The following CABLES1 variants were observed in gnomAD, a reference collection of about 807,000 sequenced individuals.
The protein encoded by CABLES1 is Cdk5 and Abl enzyme substrate 1, also known as CDK5 and ABL1 enzyme substrate 1.
A neutral mutation model predicts 57.8 loss-of-function variants in CABLES1; 36 were observed. That is an observed-to-expected ratio of 0.62 (90% CI 0.48 to 0.82). The LOEUF is 0.82. Among genes scored for constraint, CABLES1 ranks in the 40% least tolerant of loss-of-function variants. The probability of loss-of-function intolerance (pLI) is 0.00; values close to 1 mark genes in which losing one functional copy is unlikely to be tolerated. For synonymous variants in CABLES1, 374 were observed against 363.0 expected (o/e 1.03, Z -0.35); for missense variants, 767 against 836.6 (o/e 0.92, Z 1.03).
In CABLES1 at chr18:23,136,116, C is replaced by T; in HGVS notation, c.354C>T (p.Gly118=). 8.4e-7 allele frequency: 1 copy of T among 1,191,652 alleles called. No homozygotes were observed. The highest frequency in any genetic ancestry group is 1.0e-6 in the Non-Finnish European group (1 of 962,562). The allele number at this position is 1,191,652 out of a possible 1,614,324, so 73.8% of individuals were successfully genotyped here. A position where few individuals can be genotyped will look rare whatever the true frequency, so the allele number is the denominator to read the frequency against. The change falls in exon 1 of 10, where the codon GGC becomes GGT. Residue 118 remains glycine, a synonymous_variant. Coordinates refer to ENST00000256925, the MANE Select transcript of CABLES1 (RefSeq NM_001100619.3). ...TGCTCGCCGCTGCCGAGCGGGGCGG[C>T]TGCATCGCGCTCGCCGCGCCGGGCA... is the stretch of plus-strand genomic sequence containing the variant. The part of the protein sequence containing the change: ...FSLLAAAERG[G]CIALAAPGTP...
chr18:23,181,849 T>C (rs1327873106), intron 1 of CABLES1, among the ~76,000 whole-genome samples: 2 of 152,192 alleles, frequency 1.3e-5, no homozygotes, highest in African/African-American at 4.8e-5. Context: ...TGTGACTGTG[T>C]TAATAAGTTG....
At chr18:23,135,339 T>TCTGCCTCTGCGGCCGCCGC (rs980530576), upstream of CABLES1, 1 of 152,488 alleles carries the variant, frequency 6.6e-6, no homozygotes, top group South Asian at 2.1e-4. Context: ...CCTCCCGCCG[T>TCTGCCTCTGCGGCCGCCGC]CTGCCTCTGC....
At position 23,135,731 on chromosome 18, in the gene CABLES1, G is replaced by C. The variant is rs1168619631; in HGVS notation, c.-32G>C. Reference sequence around the variant, plus strand: ...GCTCGGGCGCCGCTCGCTTCTCCGGGCATCGCGGAAATCCCGCCGCAGACG... The same window carrying C: ...GCTCGGGCGCCGCTCGCTTCTCCGGCCATCGCGGAAATCCCGCCGCAGACG... On this transcript the variant is annotated 5_prime_UTR_variant, in exon 1 of 10. Transcript: ENST00000256925. 2 of 987,158 alleles carry C rather than the reference G, an allele frequency of 2.0e-6. No homozygotes were observed. Among genetic ancestry groups the C allele is most frequent in the African/African-American group, 3.5e-5 (2 of 56,954 alleles). 61.1% of individuals were successfully genotyped at this position (987,158 alleles called of 1,614,324 possible). A position where few individuals can be genotyped will look rare whatever the true frequency, so the allele number is the denominator to read the frequency against.
chr18:23,180,521 C>T lies in CABLES1; in HGVS notation c.846-8317C>T, dbSNP rs1024442587. Among the ~76,000 whole-genome samples, 8 of 151,974 alleles carry T rather than the reference C, an allele frequency of 5.3e-5. 1 individual carries two copies. Among genetic ancestry groups the T allele is most frequent in the African/African-American group, 1.9e-4 (8 of 41,396 alleles). On this transcript the variant is annotated intron_variant, in intron 1 of 9. Transcript: ENST00000256925. ...TACAATTCTTGGGCTTATGTGTTTA[C>T]TTATTTATTTGTAGAGACAGGGTCT...
At chr18:23,158,928 A>G (rs1180749233) in intron 1 of CABLES1, among the ~76,000 whole-genome samples, 1 of 152,116 alleles carries the variant, frequency 6.6e-6, no homozygotes, top group East Asian at 1.9e-4. Context: ...AGCATCTGGT[A>G]GAGATGCTAG....
At chr18:23,177,012 G>A (rs1486312529) in intron 1 of CABLES1, among the ~76,000 whole-genome samples, 1 of 152,180 alleles carries the variant, frequency 6.6e-6, no homozygotes, top group Non-Finnish European at 1.5e-5. Context: ...TGACTGTGGA[G>A]GAAGGGACAG....
At chr18:23,210,710 C>T (rs189285039) in intron 3 of CABLES1, among the ~76,000 whole-genome samples, 47 of 152,298 alleles carry the variant, frequency 3.1e-4, no homozygotes, top group African/African-American at 7.9e-4. Context: ...CTGTGGTTCA[C>T]GCCTGCAGTC....
rs1408623723 is a variant in CABLES1 at position 23,135,796 on chromosome 18, G to C, written c.34G>C (p.Ala12Pro). The C allele has an allele frequency of 2.3e-5, 22 of 955,284 alleles. No homozygotes were observed. The highest frequency in any genetic ancestry group is 2.6e-5 in the Non-Finnish European group (21 of 805,834). 59.2% of individuals were successfully genotyped at this position (955,284 alleles called of 1,614,324 possible). The stretch of plus-strand genomic sequence containing the variant: ...GGCGGCGGCGGCCGCCACCACGGCC[G>C]CCTGCAGCAGCGGCAGCGCCGGCAC... Reference protein sequence around the residue: ...AAAAAAATTAACSSGSAGTDA... With the variant: ...AAAAAAATTAPCSSGSAGTDA... The change falls in exon 1 of 10, where the codon GCC (alanine) becomes CCC (proline). Residue 12 changes from alanine to proline, a missense_variant. Physicochemically the swap from Ala to Pro is conservative, Grantham distance 27 (BLOSUM62 -1). Transcript: ENST00000256925.
chr18:23,150,203 G>GTTTGTTTTTTTGTTTTTTTTTTTTTTGTT (rs1598799346), intron 1 of CABLES1, among the ~76,000 whole-genome samples: 1 of 64,248 alleles, frequency 1.6e-5, no homozygotes, highest in African/African-American at 8.1e-5. Context: ...AGTAGTTGGT[G>GTTTGTTTTTTTGTTTTTTTTTTTTTTGTT]TTTGTTTTTT....
At chr18:23,188,708 G>T in intron 1 of CABLES1, 130 bp from the exon 2 acceptor site, 1 of 720,318 alleles carries the variant, frequency 1.4e-6, no homozygotes, top group South Asian at 1.5e-5. Context: ...GCCTCTTAGA[G>T]ACAGCTTTTG....
intron 7 of CABLES1, among the ~76,000 whole-genome samples, chr18:23,250,352 G>C (rs1246319428): frequency 1.3e-5 from 2 of 152,164 alleles, no homozygotes; most frequent in Non-Finnish European, 2.9e-5. Flanking sequence ...GGGGGGTGAG[G>C]GGTTGAGAAG....
chr18:23,216,336 C>T (rs570104535), intron 4 of CABLES1, among the ~76,000 whole-genome samples: 2 of 152,268 alleles, frequency 1.3e-5, no homozygotes, highest in African/African-American at 2.4e-5. Flanking sequence ...TCTGTTCAGC[C>T]GTAAGTTTTT....
At chr18:23,229,966 GCAA>G (rs2047555307) in intron 4 of CABLES1, among the ~76,000 whole-genome samples, 1 of 152,202 alleles carries the variant, frequency 6.6e-6, no homozygotes, top group Non-Finnish European at 1.5e-5. Context: ...AAAGATTCCA[GCAA>G]CATTGATCAG....
At chr18:23,169,596 G>A (rs1422694119) in intron 1 of CABLES1, among the ~76,000 whole-genome samples, 3 of 152,208 alleles carry the variant, frequency 2.0e-5, no homozygotes, top group African/African-American at 7.2e-5. Context: ...GCTCAACCAA[G>A]GCATTAAACC....
rs746293935 is a variant in CABLES1, at chr18:23,194,420, G to A, written c.918-28G>A. ...TCAGCTGTCCAGCAGGCAACTGACT[G>A]TGTTTTTGAAATGACTTTATTTTTC... On this transcript the variant is annotated intron_variant, in intron 2 of 9. Transcript: ENST00000256925. The A allele has an allele frequency of 4.8e-6, 7 of 1,447,342 alleles. No individual in the cohort carries two copies. In the Admixed American group the frequency reaches 5.0e-5, roughly 10 times the overall value. 89.7% of individuals were successfully genotyped at this position (1,447,342 alleles called of 1,614,324 possible).
chr18:23,192,293 T>C (rs189652827), intron 2 of CABLES1, among the ~76,000 whole-genome samples: 447 of 152,342 alleles, frequency 2.9e-3, no homozygotes, highest in African/African-American at 0.01. Context: ...TTTTCCAGAC[T>C]GGGTGGATGG....
rs553999694 is a variant in CABLES1 at position 23,240,200 on chromosome 18, C to T, written c.1446+2955C>T. 2.0e-5 allele frequency among the ~76,000 whole-genome samples: 3 copies of T among 152,114 alleles called. No individual in the cohort carries two copies. The South Asian group carries it at 6.2e-4, about 32-fold the overall frequency. The stretch of plus-strand genomic sequence containing the variant: ...AGGGGGTAGGCCTCAAGGAAGACTT[C>T]CCCGAGGAATGGCACTGAAGCAAGC... On this transcript the variant is annotated intron_variant, in intron 7 of 9. Coordinates refer to ENST00000256925, the MANE Select transcript of CABLES1 (RefSeq NM_001100619.3).
At chr18:23,154,702 G>A (rs1385024570) in intron 1 of CABLES1, among the ~76,000 whole-genome samples, 1 of 152,186 alleles carries the variant, frequency 6.6e-6, no homozygotes, top group African/African-American at 2.4e-5. Flanking sequence ...AGAGAATTGA[G>A]TTTTCTCACC....
chr18:23,205,153 G>A (rs954633653), intron 3 of CABLES1, among the ~76,000 whole-genome samples: 4 of 151,426 alleles, frequency 2.6e-5, no homozygotes, highest in African/African-American at 9.7e-5. Flanking sequence ...CAGGAGGGGA[G>A]GGAATTCCAA....
Sources: gnomAD v4.1 joint callset for allele counts (sites outside exome capture counted in the v4.1 genomes callset) on GRCh38, gnomAD v4.1.1 for gene constraint, MANE v1.5 for transcripts, NCBI Gene and HGNC (gene_info 2026-07-23, HGNC 2026-07-21) for gene names.